The following GRIK2 variants were observed in gnomAD, a reference collection of about 807,000 sequenced individuals.
The protein encoded by GRIK2 is glutamate ionotropic receptor kainate type subunit 2, also known as glutamate receptor ionotropic, kainate 2.
Under a neutral mutation model 100.3 loss-of-function variants are expected in GRIK2, and 32 were observed. The ratio of observed to expected loss-of-function variants is 0.32; its 90% confidence interval spans 0.24 to 0.43. The LOEUF (loss-of-function observed/expected upper bound fraction) is 0.43, where lower values mean the gene tolerates loss of function less well. Among genes scored for constraint, GRIK2 ranks in the 20% least tolerant of loss-of-function variants. GRIK2 has a pLI of 1.00. For missense variants in GRIK2, 843 were observed against 1,114.9 expected (o/e 0.76, Z 3.47); for synonymous variants, 417 against 389.4 (o/e 1.07, Z -0.83).
chr6:101,760,261 A>G (rs1370726838), intron 7 of GRIK2, among the ~76,000 whole-genome samples: 2 of 142,632 alleles, frequency 1.4e-5, no homozygotes, highest in Non-Finnish European at 3.0e-5. Context: ...TAAACTACCT[A>G]AATATGAATT....
intron 2 of GRIK2, among the ~76,000 whole-genome samples, chr6:101,506,351 C>G (rs1453148514): frequency 6.6e-6 from 1 of 152,140 alleles, no homozygotes; most frequent in Admixed American, 6.6e-5. Flanking sequence ...TCCATATCCT[C>G]CTCATTGCCT....
At chr6:101,682,359 T>C (rs1771335430) in intron 5 of GRIK2, among the ~76,000 whole-genome samples, 194 bp from the exon 6 acceptor site, 2 of 152,196 alleles carry the variant, frequency 1.3e-5, no homozygotes, top group African/African-American at 2.4e-5. Flanking sequence ...ATCTAGAGAA[T>C]TGCTTCAGAA....
chr6:101,884,885 T>A (rs1234196708), intron 11 of GRIK2, among the ~76,000 whole-genome samples: 2 of 152,150 alleles, frequency 1.3e-5, no homozygotes, highest in Admixed American at 1.3e-4. Flanking sequence ...CAAAGATGAA[T>A]AAGACAATTT....
chr6:101,574,695 A>G (rs1310083244), intron 2 of GRIK2, among the ~76,000 whole-genome samples: 1 of 151,804 alleles, frequency 6.6e-6, no homozygotes, highest in East Asian at 1.9e-4. Flanking sequence ...TAAGTATTAT[A>G]AAACCTGTTT....
At chr6:101,958,957 C>T (rs1792114374) in intron 14 of GRIK2, among the ~76,000 whole-genome samples, 1 of 151,938 alleles carries the variant, frequency 6.6e-6, no homozygotes, top group South Asian at 2.1e-4. Flanking sequence ...ATTGTGTTTA[C>T]ATTCATCAGG....
rs558499278 is a variant in GRIK2, at chr6:101,463,966, A to G, written c.115+64574A>G. On this transcript the variant is annotated intron_variant, in intron 2 of 16. Transcript: ENST00000369134. ...TATAATATATTATAGATTTTTCCTT[A>G]CTGCAAGAATTCCCTGGTCCTTCAA... Among the ~76,000 whole-genome samples, 5 of 152,292 alleles carry G rather than the reference A, an allele frequency of 3.3e-5. No homozygotes were observed. The South Asian group carries it at 1.0e-3, about 32-fold the overall frequency.
chr6:101,440,975 T>TC (rs983892947), intron 2 of GRIK2, among the ~76,000 whole-genome samples: 1 of 150,736 alleles, frequency 6.6e-6, no homozygotes, highest in African/African-American at 2.4e-5. Context: ...GGCCTGAATT[T>TC]TTTTTTTTTT....
chr6:101,495,762 T>C (rs960936066), intron 2 of GRIK2, among the ~76,000 whole-genome samples: 2 of 152,144 alleles, frequency 1.3e-5, no homozygotes, highest in Non-Finnish European at 2.9e-5. Flanking sequence ...ATATTGGAGA[T>C]GTGCATTTTA....
At chr6:101,793,133 C>G (rs1006923354) in intron 7 of GRIK2, among the ~76,000 whole-genome samples, 1 of 152,150 alleles carries the variant, frequency 6.6e-6, no homozygotes, top group African/African-American at 2.4e-5. Flanking sequence ...AAGTTTTCAA[C>G]TGCTTTGCCT....
intron 2 of GRIK2, among the ~76,000 whole-genome samples, chr6:101,441,109 A>C (rs1770024914): frequency 6.6e-6 from 1 of 151,748 alleles, no homozygotes; most frequent in Non-Finnish European, 1.5e-5. Flanking sequence ...TTCCTAGAGC[A>C]CTGGGATTAC....
intron 10 of GRIK2, among the ~76,000 whole-genome samples, chr6:101,823,095 T>C (rs1210892630): frequency 6.6e-6 from 1 of 152,168 alleles, no homozygotes; most frequent in Non-Finnish European, 1.5e-5. Flanking sequence ...TGCGTGAATA[T>C]GTTGGGTTTC....
At chr6:101,864,901 G>C (rs1348123681) in intron 11 of GRIK2, among the ~76,000 whole-genome samples, 3 of 152,124 alleles carry the variant, frequency 2.0e-5, no homozygotes, top group Admixed American at 2.0e-4. Context: ...ACTATGAGAA[G>C]TTATCTAAAT....
intron 14 of GRIK2, among the ~76,000 whole-genome samples, chr6:101,963,505 C>CTTTTT (rs1562069962): frequency 1.1e-5 from 1 of 89,806 alleles, no homozygotes; most frequent in African/African-American, 4.8e-5. Context: ...TTCTTTCTTT[C>CTTTTT]TTTCTTTTTT....
intron 14 of GRIK2, among the ~76,000 whole-genome samples, chr6:101,999,771 C>G (rs1732675582): frequency 6.6e-6 from 1 of 151,990 alleles, no homozygotes; most frequent in Admixed American, 6.6e-5. Flanking sequence ...GGAAAACATT[C>G]ATTTTTACAT....
intron 12 of GRIK2, among the ~76,000 whole-genome samples, chr6:101,920,049 G>A (rs6570998): frequency 6.6e-6 from 1 of 151,684 alleles, no homozygotes; most frequent in Non-Finnish European, 1.5e-5. Flanking sequence ...ATAAAGAACT[G>A]TATTGGGATG....
rs527736278 is a variant in GRIK2 at position 101,477,273 on chromosome 6, C to T, written c.115+77881C>T. On this transcript the variant is annotated intron_variant, in intron 2 of 16. Transcript: ENST00000369134. ...TTTAAGTATCACTCATACCTGGGCTCTGAGTTAAGGAAAAGGGGTTAGTAT... is the reference window on the plus strand; with the variant it reads ...TTTAAGTATCACTCATACCTGGGCTTTGAGTTAAGGAAAAGGGGTTAGTAT... Among the ~76,000 whole-genome samples, 4 of 152,030 alleles carry T rather than the reference C, an allele frequency of 2.6e-5. No individual in the cohort carries two copies. In the East Asian group the frequency reaches 7.8e-4, roughly 29 times the overall value.
intron 7 of GRIK2, among the ~76,000 whole-genome samples, chr6:101,791,573 C>T (rs1029009331): frequency 6.6e-5 from 10 of 151,360 alleles, no homozygotes; most frequent in African/African-American, 1.7e-4. Context: ...GTCTGAGAGA[C>T]AGTTTGTTAT....
chr6:101,684,754 G>A (rs1027210797), intron 6 of GRIK2, among the ~76,000 whole-genome samples: 13 of 149,360 alleles, frequency 8.7e-5, no homozygotes, highest in African/African-American at 2.5e-4. Flanking sequence ...TTGATAAAGA[G>A]TAGATAGTTA....
chr6:101,552,623 C>T (rs1303665062), intron 2 of GRIK2, among the ~76,000 whole-genome samples: 1 of 152,130 alleles, frequency 6.6e-6, no homozygotes, highest in Admixed American at 6.5e-5. Context: ...TCAGTGTGTG[C>T]ATTTAGCTTT....
Sources: allele counts gnomAD v4.1 joint callset (sites outside exome capture counted in the v4.1 genomes callset), GRCh38; gene constraint gnomAD v4.1.1; transcripts MANE v1.5; gene names NCBI Gene and HGNC (gene_info 2026-07-23, HGNC 2026-07-21).